The following NMBR variants were observed in gnomAD, a reference collection of about 807,000 sequenced individuals.
NMBR encodes neuromedin B receptor.
In NMBR, 16 loss-of-function variants were observed where a neutral mutation model predicts 20.5. That is an observed-to-expected ratio of 0.78 (90% CI 0.53 to 1.19). NMBR has a LOEUF of 1.19. NMBR is among the 50% of genes most tolerant of loss of function. The pLI is 0.00. For synonymous variants in NMBR, 212 were observed against 196.6 expected (o/e 1.08, Z -0.65); for missense variants, 582 against 499.1 (o/e 1.17, Z -1.58).
At chr6:142,082,999 G>T (rs1281832912) in intron 2 of NMBR, among the ~76,000 whole-genome samples, 4 of 152,128 alleles carry the variant, frequency 2.6e-5, no homozygotes, top group Non-Finnish European at 5.9e-5. Context: ...TCAGATCAAG[G>T]TAGATGAATA....
intron 1 of NMBR, among the ~76,000 whole-genome samples, chr6:142,131,095 A>G (rs1424771458): frequency 3.9e-5 from 6 of 152,164 alleles, no homozygotes; most frequent in African/African-American, 1.4e-4. Flanking sequence ...GTCATGTAGA[A>G]CATAACTTTT....
chr6:142,100,759 G>C (rs902049154), intron 1 of NMBR, among the ~76,000 whole-genome samples: 1 of 152,194 alleles, frequency 6.6e-6, no homozygotes, highest in Non-Finnish European at 1.5e-5. Context: ...CCACTTTGAT[G>C]AGGAAAATTG....
chr6:142,103,111 A>C (rs2114582592), intron 1 of NMBR, among the ~76,000 whole-genome samples: 1 of 152,264 alleles, frequency 6.6e-6, no homozygotes, highest in South Asian at 2.1e-4. Context: ...AAGGTGCCAA[A>C]GTTTTGCTGC....
At chr6:142,108,629 G>A (rs1777702450) in intron 1 of NMBR, among the ~76,000 whole-genome samples, 1 of 152,034 alleles carries the variant, frequency 6.6e-6, no homozygotes, top group Non-Finnish European at 1.5e-5. Flanking sequence ...GGAGGTAACC[G>A]CTCCATGATT....
intron 1 of NMBR, among the ~76,000 whole-genome samples, chr6:142,091,816 A>T (rs1197482599): frequency 2.0e-5 from 3 of 152,208 alleles, no homozygotes; most frequent in African/African-American, 7.2e-5. Context: ...TGAGTATTTG[A>T]TGTTTATAAA....
chr6:142,142,437 C>T (rs1778375567), intron 1 of NMBR, among the ~76,000 whole-genome samples: 1 of 152,006 alleles, frequency 6.6e-6, no homozygotes, highest in African/African-American at 2.4e-5. Context: ...GGGTTTACCC[C>T]GGGAATGAAA....
intron 1 of NMBR, among the ~76,000 whole-genome samples, chr6:142,101,397 A>G (rs1777561325): frequency 6.6e-6 from 1 of 152,216 alleles, no homozygotes; most frequent in Non-Finnish European, 1.5e-5. Context: ...TCAAAATTTT[A>G]TCATTGATGT....
chr6:142,135,958 G>A (rs1198174886), intron 1 of NMBR, among the ~76,000 whole-genome samples: 4 of 151,910 alleles, frequency 2.6e-5, no homozygotes, highest in East Asian at 1.9e-4. Flanking sequence ...ATAAACATAC[G>A]TGTGCATGTG....
chr6:142,103,141 C>G (rs1275911488), intron 1 of NMBR, among the ~76,000 whole-genome samples: 1 of 152,148 alleles, frequency 6.6e-6, no homozygotes, highest in Non-Finnish European at 1.5e-5. Flanking sequence ...GGCACAATGG[C>G]AGCCTTTCTC....
At chr6:142,140,833 G>C (rs1205054897) in intron 1 of NMBR, among the ~76,000 whole-genome samples, 1 of 152,090 alleles carries the variant, frequency 6.6e-6, no homozygotes, top group East Asian at 1.9e-4. Context: ...AATGATGACA[G>C]AGATTAAAGA....
chr6:142,101,267 A>G (rs1240655928), intron 1 of NMBR, among the ~76,000 whole-genome samples: 1 of 152,196 alleles, frequency 6.6e-6, no homozygotes, highest in East Asian at 1.9e-4. Flanking sequence ...TTCAGGTGAT[A>G]GTTCACTAGG....
At chr6:142,137,121 C>A (rs1423198225) in intron 1 of NMBR, among the ~76,000 whole-genome samples, 1 of 152,022 alleles carries the variant, frequency 6.6e-6, no homozygotes, top group African/African-American at 2.4e-5. Flanking sequence ...ATTCTTCCTA[C>A]CCATGAGCAT....
chr6:142,107,815 C>T (rs1777687317), intron 1 of NMBR, among the ~76,000 whole-genome samples: 1 of 151,620 alleles, frequency 6.6e-6, no homozygotes, highest in Non-Finnish European at 1.5e-5. Flanking sequence ...TAAAGAACAC[C>T]ATAAAGAAGG....
At chr6:142,144,899 C>T (rs1778406540) in intron 1 of NMBR, among the ~76,000 whole-genome samples, 1 of 151,524 alleles carries the variant, frequency 6.6e-6, no homozygotes, top group African/African-American at 2.4e-5. Flanking sequence ...TGTTATGTGC[C>T]TGTGGTCCCA....
intron 2 of NMBR, among the ~76,000 whole-genome samples, chr6:142,084,999 T>C (rs1436607306): frequency 1.3e-5 from 2 of 152,162 alleles, no homozygotes; most frequent in Non-Finnish European, 2.9e-5. Flanking sequence ...AAGCAAGCAA[T>C]ATACATTTTC....
chr6:142,103,865 A>C (rs998979506), intron 1 of NMBR, among the ~76,000 whole-genome samples: 1 of 152,194 alleles, frequency 6.6e-6, no homozygotes, highest in African/African-American at 2.4e-5. Context: ...TTTTCATTAA[A>C]GTGTTGAAAA....
At chr6:142,134,521 A>G (rs561295654) in intron 1 of NMBR, 2 of 487,524 alleles carry the variant, frequency 4.1e-6, no homozygotes, top group South Asian at 4.1e-5. Flanking sequence ...TATTTCTGAC[A>G]TACTTTAGGT....
chr6:142,123,197 G>A (rs1223683475), intron 1 of NMBR, among the ~76,000 whole-genome samples: 1 of 151,938 alleles, frequency 6.6e-6, no homozygotes, highest in Non-Finnish European at 1.5e-5. Context: ...AACTATGAAA[G>A]TTTCAAGACT....
intron 3 of NMBR, among the ~76,000 whole-genome samples, chr6:142,077,957 AAT>A (rs1262009044): frequency 6.6e-6 from 1 of 152,208 alleles, no homozygotes; most frequent in Non-Finnish European, 1.5e-5. Context: ...GTAATTTTTA[AAT>A]GAGCGTATTA....
Sources: allele counts gnomAD v4.1 joint callset (sites outside exome capture counted in the v4.1 genomes callset), GRCh38; gene constraint gnomAD v4.1.1; transcripts MANE v1.5; gene names NCBI Gene and HGNC (gene_info 2026-07-23, HGNC 2026-07-21).